FGF10: variants seen among roughly 807,000 people sequenced by gnomAD.
FGF10 encodes FGF-10.
Under a neutral mutation model 19.8 loss-of-function variants are expected in FGF10, and 2 were observed. The ratio of observed to expected loss-of-function variants is 0.10; its 90% CI spans 0.04 to 0.32. The LOEUF (loss-of-function observed/expected upper bound fraction) is 0.32, where lower values mean the gene tolerates loss of function less well. Among genes scored for constraint, FGF10 ranks in the 10% least tolerant of loss-of-function variants. FGF10 has a pLI of 1.00. For missense variants in FGF10, 191 were observed against 246.3 expected, an observed-to-expected ratio of 0.78 and a Z score of 1.50; for synonymous variants, 112 against 94.0, an observed-to-expected ratio of 1.19 and a Z score of -1.10.
Position 44,304,740 on chromosome 5 carries a change from T to C in FGF10, c.*255A>G. 2.3e-6 allele frequency: 1 copy of C among 441,564 alleles called. No homozygotes were observed. The highest frequency in any genetic ancestry group is 4.1e-6 in the Non-Finnish European group (1 of 243,160). 27.4% of individuals were successfully genotyped at this position (441,564 alleles called of 1,614,324 possible). On this transcript the variant is annotated 3_prime_UTR_variant, in exon 3 of 3. Transcript: ENST00000264664. ...ACAACAACAAAAAACCCAGCCACAA[T>C]GTTTTTCACTTGGGAATAACTTCTA...
At chr5:44,365,781 G>A (rs1012300694) in intron 1 of FGF10, among the ~76,000 whole-genome samples, 1 of 152,042 alleles carries the variant, frequency 6.6e-6, no homozygotes, top group Admixed American at 6.6e-5. Flanking sequence ...CACATGGTTA[G>A]AAGGGGGAGA....
chr5:44,361,214 A>C (rs1351522591), intron 1 of FGF10, among the ~76,000 whole-genome samples: 4 of 151,728 alleles, frequency 2.6e-5, no homozygotes, highest in African/African-American at 9.7e-5. Context: ...AGCTAAAAGC[A>C]GCTTCTGCTG....
At chr5:44,319,192 G>C (rs919277410) in intron 1 of FGF10, among the ~76,000 whole-genome samples, 12 of 152,064 alleles carry the variant, frequency 7.9e-5, no homozygotes, top group African/African-American at 2.9e-4. Flanking sequence ...ATTTGGGCTT[G>C]GCCACTGCAT....
At chr5:44,357,623 G>A (rs540895906) in intron 1 of FGF10, among the ~76,000 whole-genome samples, 1 of 151,486 alleles carries the variant, frequency 6.6e-6, no homozygotes, top group East Asian at 2.0e-4. Context: ...CTCTTAAGTG[G>A]TGAAGCCAGG....
intron 1 of FGF10, among the ~76,000 whole-genome samples, chr5:44,334,538 G>A (rs972294129): frequency 6.6e-6 from 1 of 151,988 alleles, no homozygotes; most frequent in Non-Finnish European, 1.5e-5. Context: ...TGTGCACAAC[G>A]TTAGAAGCTT....
At chr5:44,307,687 G>A (rs1339659320) in intron 2 of FGF10, among the ~76,000 whole-genome samples, 3 of 152,050 alleles carry the variant, frequency 2.0e-5, no homozygotes, top group African/African-American at 7.2e-5. Flanking sequence ...AAAAATGAAG[G>A]TAGGAATTAC....
chr5:44,305,341 T>C lies in FGF10; in HGVS notation c.430-149A>G, dbSNP rs1740051496. 12 of 689,968 alleles carry C rather than the reference T, an allele frequency of 1.7e-5. No individual in the cohort carries two copies. In the South Asian group the frequency reaches 2.0e-4, roughly 11 times the overall value. The allele number at this position is 689,968 out of a possible 1,614,324, so 42.7% of individuals were successfully genotyped here. A position where few individuals can be genotyped will look rare whatever the true frequency, so the allele number is the denominator to read the frequency against. Reference sequence around the variant, plus strand: ...TGCACTTAATACATAATGTCAACAATAGAAAAGTAAATCTCAGAACCACAA... The same window carrying C: ...TGCACTTAATACATAATGTCAACAACAGAAAAGTAAATCTCAGAACCACAA... On this transcript the variant is annotated intron_variant, in intron 2 of 2. Transcript: ENST00000264664.
rs1463068467 is a variant in FGF10, at chr5:44,300,941, G to T, written c.*4054C>A. On this transcript the variant is annotated 3_prime_UTR_variant, in exon 3 of 3. Transcript: ENST00000264664. ...GTAGTAAAGGAGTTTGGGGTTTTGG[G>T]TTTTGGAGTAGGAAAGAAGTAGACT... 1.3e-5 allele frequency among the ~76,000 whole-genome samples: 2 copies of T among 151,976 alleles called. No individual in the cohort carries two copies. Among genetic ancestry groups the T allele is most frequent in the Non-Finnish European group, 2.9e-5 (2 of 68,008 alleles).
At chr5:44,372,832 G>A (rs1266264636) in intron 1 of FGF10, among the ~76,000 whole-genome samples, 1 of 152,126 alleles carries the variant, frequency 6.6e-6, no homozygotes, top group African/African-American at 2.4e-5. Flanking sequence ...AATCCAGCAG[G>A]GTAAACTCCA....
chr5:44,310,768 T>G (rs1002382613), intron 1 of FGF10, among the ~76,000 whole-genome samples: 1 of 152,112 alleles, frequency 6.6e-6, no homozygotes, highest in African/African-American at 2.4e-5. Flanking sequence ...TTCCCCTTCA[T>G]TTTACTCTGA....
At chr5:44,354,220 TAG>T (rs1741295139) in intron 1 of FGF10, among the ~76,000 whole-genome samples, 1 of 151,358 alleles carries the variant, frequency 6.6e-6, no homozygotes, top group Non-Finnish European at 1.5e-5. Context: ...AAATAGAAAG[TAG>T]AGAGTGGATG....
chr5:44,361,630 G>A (rs1283698138), intron 1 of FGF10, among the ~76,000 whole-genome samples: 1 of 151,652 alleles, frequency 6.6e-6, no homozygotes, highest in East Asian at 1.9e-4. Flanking sequence ...TAGGAGCTGA[G>A]CCAGGGAGGA....
intron 2 of FGF10, among the ~76,000 whole-genome samples, chr5:44,309,190 A>G (rs894091322): frequency 3.3e-4 from 50 of 152,192 alleles, no homozygotes; most frequent in African/African-American, 1.1e-3. Context: ...ATAATATTAC[A>G]TGTCCTCCAA....
At chr5:44,346,645 C>G (rs1490365292) in intron 1 of FGF10, among the ~76,000 whole-genome samples, 2 of 151,812 alleles carry the variant, frequency 1.3e-5, no homozygotes, top group Non-Finnish European at 2.9e-5. Flanking sequence ...ATAGCTTACT[C>G]TACACTTTGT....
At chr5:44,336,894 C>A (rs1740866324) in intron 1 of FGF10, among the ~76,000 whole-genome samples, 1 of 152,056 alleles carries the variant, frequency 6.6e-6, no homozygotes, top group Non-Finnish European at 1.5e-5. Flanking sequence ...ACATGGAAGA[C>A]AAAGAGCGCT....
intron 1 of FGF10, among the ~76,000 whole-genome samples, chr5:44,312,195 TACAC>T (rs35763425): frequency 2.3e-4 from 34 of 150,062 alleles, no homozygotes; most frequent in Admixed American, 4.7e-4. Context: ...TTCCCTAAGG[TACAC>T]ACACACACAC....
chr5:44,314,895 T>A (rs527897260), intron 1 of FGF10, among the ~76,000 whole-genome samples: 2 of 152,212 alleles, frequency 1.3e-5, no homozygotes, highest in South Asian at 4.1e-4. Context: ...GGAGAAAGTA[T>A]ATGGCAAATA....
chr5:44,364,215 C>A (rs1336445043), intron 1 of FGF10, among the ~76,000 whole-genome samples: 1 of 151,722 alleles, frequency 6.6e-6, no homozygotes, highest in African/African-American at 2.4e-5. Flanking sequence ...GATGGAGAAC[C>A]AAAGCCCTTA....
chr5:44,379,225 C>T (rs1031436810), intron 1 of FGF10, among the ~76,000 whole-genome samples: 7 of 152,144 alleles, frequency 4.6e-5, no homozygotes, highest in Non-Finnish European at 1.0e-4. Flanking sequence ...TCTTGGTTAA[C>T]GTTTTTGACA....
Sources: allele counts gnomAD v4.1 joint callset (sites outside exome capture counted in the v4.1 genomes callset), GRCh38; gene constraint gnomAD v4.1.1; transcripts MANE v1.5; gene names NCBI Gene and HGNC (gene_info 2026-07-23, HGNC 2026-07-21).